CA8: variants seen among roughly 807,000 people sequenced by gnomAD.
CA8 encodes the protein carbonic anhydrase-related protein.
Under a neutral mutation model 41.4 loss-of-function variants are expected in CA8, and 22 were observed. The ratio of observed to expected loss-of-function variants is 0.53; its 90% CI spans 0.38 to 0.76. The LOEUF is 0.76. CA8 is among the 30% of genes least tolerant of loss of function. CA8 has a pLI of 0.00. For synonymous variants in CA8, 121 were observed against 130.6 expected (o/e 0.93, Z 0.50); for missense variants, 270 against 352.8 (o/e 0.77, Z 1.88).
intron 3 of CA8, among the ~76,000 whole-genome samples, chr8:60,248,023 T>C (rs558480789): frequency 4.5e-4 from 68 of 152,300 alleles, no homozygotes; most frequent in African/African-American, 1.6e-3. Context: ...GAGCTTTTTT[T>C]CATATGTTTG....
intron 3 of CA8, among the ~76,000 whole-genome samples, chr8:60,258,797 T>C (rs7826329): frequency 0.51 from 76,798 of 151,678 alleles, 21,480 homozygotes; most frequent in African/African-American, 0.77. Flanking sequence ...ATAGGGTTCA[T>C]GCTCCTATGA....
intron 2 of CA8, among the ~76,000 whole-genome samples, chr8:60,267,651 C>G (rs1364733620): frequency 1.3e-5 from 2 of 152,182 alleles, no homozygotes; most frequent in Non-Finnish European, 2.9e-5. Flanking sequence ...AGGACAGGAT[C>G]TGGAACTCAA....
intron 2 of CA8, among the ~76,000 whole-genome samples, chr8:60,277,446 C>T (rs1023589875): frequency 2.0e-5 from 3 of 152,046 alleles, no homozygotes; most frequent in Non-Finnish European, 2.9e-5. Flanking sequence ...CTCCGCCTCC[C>T]AGGTTCAAGT....
chr8:60,273,552 T>C (rs1259752149), intron 2 of CA8, among the ~76,000 whole-genome samples: 1 of 152,186 alleles, frequency 6.6e-6, no homozygotes, highest in African/African-American at 2.4e-5. Context: ...GCACTGCTCA[T>C]GGGGTACATG....
At chr8:60,262,676 C>T (rs974011708) in intron 3 of CA8, among the ~76,000 whole-genome samples, 1 of 152,152 alleles carries the variant, frequency 6.6e-6, no homozygotes, top group African/African-American at 2.4e-5. Context: ...ATAGTGAGAC[C>T]CTTTCAGGTA....
intron 2 of CA8, among the ~76,000 whole-genome samples, chr8:60,269,622 C>T (rs190863362): frequency 1.4e-3 from 211 of 152,306 alleles, no homozygotes; most frequent in African/African-American, 4.3e-3. Flanking sequence ...TAAGCTTCTA[C>T]AATCCTTTGC....
At position 60,246,270 on chromosome 8, in the gene CA8, TA is replaced by T. The variant is rs200589944; in HGVS notation, c.418-13892del. Among the ~76,000 whole-genome samples, 1,227 of 137,398 alleles carry T rather than the reference TA, an allele frequency of 8.9e-3. 16 individuals are homozygous for T. Among genetic ancestry groups the T allele is most frequent in the African/African-American group, 0.034 (1,156 of 33,676 alleles). The allele number at this position is 137,398 out of a possible 152,430, so 90.1% of individuals were successfully genotyped here. The stretch of plus-strand genomic sequence containing the variant: ...TTTTTCTAAAAGTTTTTATTACGAA[TA>T]ATGCATTTCTGGGGGGGGTTGAGTT... On this transcript the variant is annotated intron_variant, in intron 3 of 8. Coordinates refer to ENST00000317995, the MANE Select transcript of CA8 (RefSeq NM_004056.6).
chr8:60,208,395 T>C, intron 8 of CA8: 1 of 284,410 alleles, frequency 3.5e-6, no homozygotes, highest in Non-Finnish European at 6.8e-6. Context: ...CCTTGGTCAC[T>C]GGGACATGAC....
chr8:60,241,428 A>G (rs977330951), intron 3 of CA8, among the ~76,000 whole-genome samples: 1 of 152,218 alleles, frequency 6.6e-6, no homozygotes, highest in Middle Eastern at 3.2e-3. Context: ...GTTCTTAGTA[A>G]AAGGCACTAG....
At chr8:60,275,452 A>G (rs905715042) in intron 2 of CA8, among the ~76,000 whole-genome samples, 4 of 150,630 alleles carry the variant, frequency 2.7e-5, no homozygotes. Flanking sequence ...TAAATACTGG[A>G]TGTTGTATTT....
chr8:60,247,370 T>A (rs1225949328), intron 3 of CA8, among the ~76,000 whole-genome samples: 2 of 152,154 alleles, frequency 1.3e-5, no homozygotes, highest in African/African-American at 4.8e-5. Flanking sequence ...AAGCCCCACA[T>A]GCATTAGGTA....
intron 7 of CA8, among the ~76,000 whole-genome samples, chr8:60,211,462 T>C (rs755762536): frequency 1.3e-5 from 2 of 152,210 alleles, no homozygotes; most frequent in Non-Finnish European, 2.9e-5. Flanking sequence ...TGAGGAGCAA[T>C]GTGGGCTGGG....
intron 4 of CA8, among the ~76,000 whole-genome samples, chr8:60,231,297 AT>A (rs1183326455): frequency 1.3e-5 from 2 of 152,194 alleles, no homozygotes; most frequent in African/African-American, 4.8e-5. Context: ...TTTCCTTTAA[AT>A]TTCTATGACG....
intron 3 of CA8, chr8:60,265,688 T>C: frequency 1.9e-6 from 1 of 513,554 alleles, no homozygotes; most frequent in Non-Finnish European, 3.5e-6. Context: ...TGAAATTTAA[T>C]ACTGTAGATT....
chr8:60,212,965 A>T (rs1209398258), intron 7 of CA8, among the ~76,000 whole-genome samples: 1 of 152,232 alleles, frequency 6.6e-6, no homozygotes, highest in Non-Finnish European at 1.5e-5. Flanking sequence ...AATGGTACTA[A>T]TCAAATTAAA....
intron 7 of CA8, among the ~76,000 whole-genome samples, chr8:60,210,652 C>T (rs1222465587): frequency 6.6e-6 from 1 of 151,064 alleles, no homozygotes; most frequent in South Asian, 2.1e-4. Flanking sequence ...ACATGCGCTT[C>T]GAATGTCTTA....
chr8:60,223,301 T>G (rs1807312215), intron 6 of CA8, among the ~76,000 whole-genome samples: 1 of 152,104 alleles, frequency 6.6e-6, no homozygotes, highest in South Asian at 2.1e-4. Context: ...TATTTTTTTT[T>G]TCTTAAGAGA....
At chr8:60,201,727 C>T (rs1806434766) in intron 8 of CA8, among the ~76,000 whole-genome samples, 1 of 152,014 alleles carries the variant, frequency 6.6e-6, no homozygotes, top group Admixed American at 6.5e-5. Context: ...ATGACGTTCA[C>T]AGAAGTAAGT....
chr8:60,275,455 T>C (rs559446153), intron 2 of CA8, among the ~76,000 whole-genome samples: 1 of 149,384 alleles, frequency 6.7e-6, no homozygotes, highest in Non-Finnish European at 1.5e-5. Context: ...ATACTGGATG[T>C]TGTATTTTTT....
Sources: gnomAD v4.1 joint callset for allele counts (sites outside exome capture counted in the v4.1 genomes callset) on GRCh38, gnomAD v4.1.1 for gene constraint, MANE v1.5 for transcripts, NCBI Gene and HGNC (gene_info 2026-07-23, HGNC 2026-07-21) for gene names.